ACER2: variants seen among roughly 807,000 people sequenced by gnomAD.
The protein encoded by ACER2 is alkCDase 2.
In ACER2, 26 loss-of-function variants were observed where a neutral mutation model predicts 34.7. The observed-to-expected ratio is 0.75, with a 90% CI of 0.55 to 1.04. The LOEUF (loss-of-function observed/expected upper bound fraction) is 1.04. Among genes scored for constraint, ACER2 ranks in the 50% least tolerant of loss-of-function variants. The probability of loss-of-function intolerance (pLI) is 0.00; values close to 1 mark genes in which losing one functional copy is unlikely to be tolerated. For synonymous variants in ACER2, 138 were observed against 132.1 expected (o/e 1.04, Z -0.31); for missense variants, 352 against 340.8 (o/e 1.03, Z -0.26).
intron 1 of ACER2, 147 bp downstream of exon 1, chr9:19,409,339 G>A: frequency 1.4e-6 from 1 of 710,384 alleles, no homozygotes; most frequent in South Asian, 1.9e-5. Context: ...CCCCTCCTCG[G>A]CGCGCTCCTT....
chr9:19,428,263 G>C (rs1830643358), intron 3 of ACER2, among the ~76,000 whole-genome samples: 2 of 151,764 alleles, frequency 1.3e-5, no homozygotes, highest in African/African-American at 2.4e-5. Context: ...TGCCTCCCAG[G>C]TTCAAGTGAT....
chr9:19,443,532 T>C (rs1392006696), intron 4 of ACER2, among the ~76,000 whole-genome samples: 1 of 152,224 alleles, frequency 6.6e-6, no homozygotes, highest in Non-Finnish European at 1.5e-5. Flanking sequence ...AGGGTCCATT[T>C]ATGCATAATT....
intron 3 of ACER2, among the ~76,000 whole-genome samples, chr9:19,434,330 G>C (rs1830879899): frequency 6.6e-6 from 1 of 151,932 alleles, no homozygotes; most frequent in Non-Finnish European, 1.5e-5. Flanking sequence ...CCCAGACGAT[G>C]GCCGGCCAGG....
At chr9:19,440,041 G>C (rs1589061449) in intron 4 of ACER2, among the ~76,000 whole-genome samples, 4 of 151,484 alleles carry the variant, frequency 2.6e-5, no homozygotes, top group African/African-American at 9.7e-5. Context: ...TGCCAATCTG[G>C]TTTCTGCCCC....
At chr9:19,424,918 T>C (rs1289452337) in intron 3 of ACER2, 77 bp downstream of exon 3, 5 of 1,555,942 alleles carry the variant, frequency 3.2e-6, no homozygotes, top group East Asian at 2.3e-5. Flanking sequence ...TGAAGAAAAA[T>C]AGCACATGAT....
rs555351041 is a variant in ACER2 at position 19,433,671 on chromosome 9, A to G, written c.366-1276A>G. ...GCCCGTTCTCAATGAGCTGTTGGGCACACCTCCCAGATGGGGTGGTGGCCG... is the reference window on the plus strand; with the variant it reads ...GCCCGTTCTCAATGAGCTGTTGGGCGCACCTCCCAGATGGGGTGGTGGCCG... On this transcript the variant is annotated intron_variant, in intron 3 of 5. Transcript: ENST00000340967. Among the ~76,000 whole-genome samples the G allele has an allele frequency of 1.5e-3, 229 of 152,334 alleles. 4 individuals are homozygous for G. Among genetic ancestry groups the G allele is most frequent in the Admixed American group, 0.014 (214 of 15,308 alleles).
chr9:19,445,409 C>T (rs1230832953), intron 4 of ACER2, among the ~76,000 whole-genome samples: 1 of 152,154 alleles, frequency 6.6e-6, no homozygotes, highest in Non-Finnish European at 1.5e-5. Context: ...ACTGGAAACA[C>T]ATAAGTGAAA....
At chr9:19,416,159 T>A (rs1830234756) in intron 1 of ACER2, among the ~76,000 whole-genome samples, 1 of 152,172 alleles carries the variant, frequency 6.6e-6, no homozygotes, top group Admixed American at 6.6e-5. Context: ...TCTTCTCCTC[T>A]TTCTTCACTC....
intron 4 of ACER2, among the ~76,000 whole-genome samples, chr9:19,443,332 C>CT (rs1263948039): frequency 6.6e-6 from 1 of 151,806 alleles, no homozygotes; most frequent in African/African-American, 2.4e-5. Flanking sequence ...ACGCCCGGCA[C>CT]ATTTATTGTG....
intron 3 of ACER2, among the ~76,000 whole-genome samples, chr9:19,428,107 T>C (rs920574615): frequency 4.7e-5 from 7 of 150,312 alleles, no homozygotes; most frequent in African/African-American, 1.5e-4. Context: ...TTCTTTCTCT[T>C]TCTTTTCTTT....
intron 4 of ACER2, among the ~76,000 whole-genome samples, chr9:19,435,785 C>G (rs1003524327): frequency 6.6e-6 from 1 of 151,486 alleles, no homozygotes; most frequent in African/African-American, 2.4e-5. Flanking sequence ...CGCAGTGGCT[C>G]ATGCCTGTAA....
chr9:19,427,822 A>T (rs1001441398), intron 3 of ACER2, among the ~76,000 whole-genome samples: 12 of 151,780 alleles, frequency 7.9e-5, no homozygotes, highest in Admixed American at 2.6e-4. Context: ...GCCCGCCACC[A>T]CGCCTGGCTA....
In ACER2 at chr9:19,451,367, A is replaced by C. The variant is rs1831563196; in HGVS notation, c.*731A>C. 1 of 152,676 alleles carries C rather than the reference A, an allele frequency of 6.5e-6. No individual in the cohort carries two copies. Among genetic ancestry groups the C allele is most frequent in the Non-Finnish European group, 1.5e-5 (1 of 68,042 alleles). The allele number at this position is 152,676 out of a possible 1,614,324, so 9.5% of individuals were successfully genotyped here. ...AAAACCAAACAGATGAAACACACAC[A>C]GGACTTGTGGCTAAAAAGGCTAGTT... On this transcript the variant is annotated 3_prime_UTR_variant, in exon 6 of 6. Coordinates refer to ENST00000340967, the MANE Select transcript of ACER2 (RefSeq NM_001010887.3).
chr9:19,424,865 G>T (rs1366657377), intron 3 of ACER2, 24 bp downstream of exon 3: 2 of 1,613,612 alleles, frequency 1.2e-6, no homozygotes, highest in African/African-American at 2.7e-5. Flanking sequence ...AAACATTATT[G>T]CATTTACCAC....
At chr9:19,431,409 C>T (rs771127729) in intron 3 of ACER2, among the ~76,000 whole-genome samples, 2 of 152,164 alleles carry the variant, frequency 1.3e-5, no homozygotes, top group Non-Finnish European at 2.9e-5. Flanking sequence ...CTGACCTGTG[C>T]GTAATTCTTA....
At chr9:19,426,313 TTTC>T (rs1830565178) in intron 3 of ACER2, among the ~76,000 whole-genome samples, 1 of 151,040 alleles carries the variant, frequency 6.6e-6, no homozygotes. Flanking sequence ...TTTCTCTTTC[TTTC>T]TTTCTTTTTC....
intron 1 of ACER2, among the ~76,000 whole-genome samples, 160 bp downstream of exon 1, chr9:19,409,352 A>C (rs979456495): frequency 4.6e-5 from 7 of 152,122 alleles, no homozygotes; most frequent in Non-Finnish European, 7.4e-5. Flanking sequence ...CGCTCCTTTC[A>C]GTTCTCCATC....
intron 3 of ACER2, among the ~76,000 whole-genome samples, chr9:19,433,145 G>T (rs1830811787): frequency 7.8e-6 from 1 of 127,636 alleles, no homozygotes; most frequent in East Asian, 2.4e-4. Context: ...GTGAGTGTGA[G>T]TGGCTTTTTT....
In ACER2 at chr9:19,424,614, T is replaced by C. The variant is rs550772630; in HGVS notation, c.224-86T>C. 325 of 1,565,516 alleles carry C rather than the reference T, an allele frequency of 2.1e-4. 4 individuals are homozygous for C. In the South Asian group the frequency reaches 3.7e-3, roughly 18 times the overall value. On this transcript the variant is annotated intron_variant, in intron 2 of 5. Coordinates refer to ENST00000340967, the MANE Select transcript of ACER2 (RefSeq NM_001010887.3). ...AGTGATCTGGTGACTGTGTTAACCA[T>C]TGGTGAAAGGACTATCCTTAAGCAG...
Sources: allele counts gnomAD v4.1 joint callset (sites outside exome capture counted in the v4.1 genomes callset), GRCh38; gene constraint gnomAD v4.1.1; transcripts MANE v1.5; gene names NCBI Gene and HGNC (gene_info 2026-07-23, HGNC 2026-07-21).